SCP2: variants seen among roughly 807,000 people sequenced by gnomAD.
SCP2 encodes the protein SCP-2/3-oxoacyl-CoA thiolase.
A neutral mutation model predicts 71.4 loss-of-function variants in SCP2; 48 were observed. That is an observed-to-expected ratio of 0.67 (90% CI 0.53 to 0.86). The LOEUF (loss-of-function observed/expected upper bound fraction) is 0.86, where lower values mean the gene tolerates loss of function less well. Ranked by LOEUF, SCP2 falls within the 40% of genes least tolerant of loss-of-function variation. The pLI, the probability that SCP2 is intolerant of heterozygous loss-of-function variation, is 0.00. For synonymous variants in SCP2, 220 were observed against 218.1 expected (o/e 1.01, Z -0.08); for missense variants, 560 against 655.6 (o/e 0.85, Z 1.59).
intron 6 of SCP2, among the ~76,000 whole-genome samples, chr1:52,972,038 G>A (rs1339924260): frequency 6.6e-6 from 1 of 152,114 alleles, no homozygotes; most frequent in Non-Finnish European, 1.5e-5. Flanking sequence ...TGCTTCTGAG[G>A]CTATCATTTG....
rs756309899 is a variant in SCP2, at chr1:53,014,977, A to AT, written c.1170dup (p.Asn391Ter). 1.9e-6 allele frequency: 3 copies of AT among 1,614,052 alleles called. No individual in the cohort carries two copies. Among genetic ancestry groups the AT allele is most frequent in the Non-Finnish European group, 2.5e-6 (3 of 1,180,014 alleles). ...CCTGGTGCAAAGGTGGCTCTGCAGC[A>AT]TAATTTAGGCATTGGAGGAGCTGTG... On this transcript the variant is annotated frameshift_variant, in exon 12 of 16. Coordinates refer to ENST00000371514, the MANE Select transcript of SCP2 (RefSeq NM_002979.5). LOFTEE classifies it high-confidence loss of function.
intron 11 of SCP2, chr1:52,994,129 T>C (rs1421500527): frequency 9.4e-7 from 1 of 1,058,994 alleles, no homozygotes; most frequent in African/African-American, 1.7e-5. Context: ...CTGTTTTCTT[T>C]ATTCCTCAAA....
Position 52,936,444 on chromosome 1 carries a change from T to C in SCP2, c.70-5352T>C, listed in dbSNP as rs75138060. 2.8e-3 allele frequency among the ~76,000 whole-genome samples: 433 copies of C among 152,312 alleles called. 3 individuals are homozygous for C. Among genetic ancestry groups the C allele is most frequent in the African/African-American group, 9.8e-3 (407 of 41,584 alleles). On this transcript the variant is annotated intron_variant, in intron 1 of 15. Transcript: ENST00000371514. ...TAATGAAAGAATACACTACCACCTA[T>C]AGTTTTGTCAAAGGGATAGAATGTA...
At chr1:52,996,081 TG>T in intron 11 of SCP2, 1 of 870,422 alleles carries the variant, frequency 1.1e-6, no homozygotes, top group Non-Finnish European at 1.6e-6. Context: ...CTTACTCACC[TG>T]CCCCTTTTCT....
At chr1:52,938,951 C>G (rs1227987130) in intron 1 of SCP2, among the ~76,000 whole-genome samples, 2 of 152,206 alleles carry the variant, frequency 1.3e-5, no homozygotes, top group Non-Finnish European at 2.9e-5. Flanking sequence ...TCCACATATT[C>G]ATCCTTCTCT....
intron 1 of SCP2, among the ~76,000 whole-genome samples, chr1:52,930,382 T>C (rs1431640417): frequency 2.0e-5 from 3 of 152,062 alleles, no homozygotes; most frequent in Non-Finnish European, 4.4e-5. Context: ...CTCAGTACTT[T>C]AGGAGGCTGA....
intron 13 of SCP2, among the ~76,000 whole-genome samples, chr1:53,032,383 T>A (rs1232539498): frequency 2.0e-5 from 3 of 152,162 alleles, no homozygotes; most frequent in Admixed American, 1.3e-4. Context: ...TGGGTTTATG[T>A]GCAGAGGGCC....
At chr1:52,945,194 T>G (rs1007629220) in intron 2 of SCP2, among the ~76,000 whole-genome samples, 37 of 152,114 alleles carry the variant, frequency 2.4e-4, no homozygotes, top group African/African-American at 8.9e-4. Flanking sequence ...ATTTATTTAT[T>G]TAGATATTTT....
At chr1:52,960,654 ATG>A (rs1298065335) in intron 5 of SCP2, among the ~76,000 whole-genome samples, 2 of 146,990 alleles carry the variant, frequency 1.4e-5, no homozygotes, top group South Asian at 2.1e-4. Context: ...GTATGTATAT[ATG>A]TGTATATATA....
chr1:52,950,816 A>C lies in SCP2; in HGVS notation c.261A>C (p.Ile87=). The part of the protein sequence containing the change: ...YHSLGMTGIP[I]INVNNNCATG... ...GTTTGGGAATGACTGGAATTCCTAT[A>C]ATCAATGTCAACAATAACTGTGCTA... Residue 87 remains isoleucine, a synonymous_variant, in exon 4 of 16, where the codon ATA becomes ATC. Transcript: ENST00000371514. The C allele has an allele frequency of 6.2e-7, 1 of 1,613,744 alleles. No homozygotes were observed. Among genetic ancestry groups the C allele is most frequent in the Non-Finnish European group, 8.5e-7 (1 of 1,179,694 alleles).
At chr1:53,003,056 G>T (rs1366968042) in intron 11 of SCP2, among the ~76,000 whole-genome samples, 3 of 152,062 alleles carry the variant, frequency 2.0e-5, no homozygotes, top group African/African-American at 7.2e-5. Context: ...CCATTGCCCA[G>T]AGTTTTGCAT....
At chr1:53,038,589 G>A (rs1423602508) in intron 13 of SCP2, among the ~76,000 whole-genome samples, 3 of 151,998 alleles carry the variant, frequency 2.0e-5, no homozygotes, top group African/African-American at 7.3e-5. Context: ...ATTTTTAGTA[G>A]AGACCAGGTC....
intron 11 of SCP2, 113 bp downstream of exon 11, chr1:52,988,249 C>A: frequency 1.4e-6 from 1 of 689,962 alleles, no homozygotes; most frequent in Non-Finnish European, 2.7e-6. Flanking sequence ...GTAGCTGGTG[C>A]TTTAAATGAT....
intron 11 of SCP2, among the ~76,000 whole-genome samples, chr1:53,008,138 T>C (rs1393142270): frequency 3.3e-5 from 5 of 152,138 alleles, no homozygotes; most frequent in African/African-American, 9.7e-5. Context: ...CAATAATTAA[T>C]AGCCTACCAA....
At chr1:52,951,048 AG>A (rs1655249715) in intron 4 of SCP2, among the ~76,000 whole-genome samples, 162 bp downstream of exon 4, 1 of 152,054 alleles carries the variant, frequency 6.6e-6, no homozygotes, top group South Asian at 2.1e-4. Context: ...TGGGAGGCCG[AG>A]GGGGGTGGAT....
At chr1:52,966,784 T>C (rs1657003188) in intron 6 of SCP2, among the ~76,000 whole-genome samples, 1 of 151,570 alleles carries the variant, frequency 6.6e-6, no homozygotes, top group South Asian at 2.1e-4. Context: ...TCCCAGCTAT[T>C]TGGGAGGCTA....
chr1:52,996,053 C>G, intron 11 of SCP2: 1 of 1,184,542 alleles, frequency 8.4e-7, no homozygotes, highest in Non-Finnish European at 1.1e-6. Context: ...CCTCAGGCTT[C>G]TCAGTTCCCT....
chr1:53,036,036 A>AAAAAG (rs1557625961), intron 13 of SCP2, among the ~76,000 whole-genome samples: 16 of 147,866 alleles, frequency 1.1e-4, no homozygotes, highest in African/African-American at 2.8e-4. Context: ...AAAAAAAAAA[A>AAAAAG]AAAAGAAAAC....
intron 11 of SCP2, chr1:52,993,573 C>T: frequency 6.2e-7 from 1 of 1,611,682 alleles, no homozygotes; most frequent in Non-Finnish European, 8.5e-7. Flanking sequence ...ATATACTGTT[C>T]TCTCATGGCT....
Sources: gnomAD v4.1 joint callset for allele counts (sites outside exome capture counted in the v4.1 genomes callset) on GRCh38, gnomAD v4.1.1 for gene constraint, MANE v1.5 for transcripts, NCBI Gene and HGNC (gene_info 2026-07-23, HGNC 2026-07-21) for gene names.